FAM107B: variants seen among roughly 807,000 people sequenced by gnomAD.
The protein encoded by FAM107B is protein FAM107B.
Under a neutral mutation model 31.5 loss-of-function variants are expected in FAM107B, and 21 were observed. That is an observed-to-expected ratio of 0.67 (90% CI 0.47 to 0.96). The LOEUF is 0.96. Among genes scored for constraint, FAM107B ranks in the 40% least tolerant of loss-of-function variants. The pLI, the probability that FAM107B is intolerant of heterozygous loss-of-function variation, is 0.00. For missense variants in FAM107B, 452 were observed against 377.1 expected, an observed-to-expected ratio of 1.20 and a Z score of -1.64; for synonymous variants, 157 against 141.5, an observed-to-expected ratio of 1.11 and a Z score of -0.78.
chr10:14,521,118 T>C lies in FAM107B; in HGVS notation c.*72A>G. 1 of 1,173,726 alleles carries C rather than the reference T, an allele frequency of 8.5e-7. No homozygotes were observed. Among genetic ancestry groups the C allele is most frequent in the Non-Finnish European group, 1.2e-6 (1 of 808,160 alleles). The allele number at this position is 1,173,726 out of a possible 1,614,324, so 72.7% of individuals were successfully genotyped here. A position where few individuals can be genotyped will look rare whatever the true frequency, so the allele number is the denominator to read the frequency against. The stretch of plus-strand genomic sequence containing the variant: ...GGCTGAAATATTCTCCAGGGGCTTT[T>C]GCCCTGAGATTGAGAAGGCACCCAC... On this transcript the variant is annotated 3_prime_UTR_variant, in exon 5 of 5. Coordinates refer to ENST00000181796, the MANE Select transcript of FAM107B (RefSeq NM_031453.4).
At chr10:14,611,095 G>A (rs183732449) in intron 2 of FAM107B, among the ~76,000 whole-genome samples, 129 of 152,124 alleles carry the variant, frequency 8.5e-4, no homozygotes, top group Middle Eastern at 6.8e-3. Flanking sequence ...TGCATTTTAC[G>A]TTTTTTTCTT....
chr10:14,712,804 T>C (rs1855684342), intron 1 of FAM107B, among the ~76,000 whole-genome samples: 1 of 152,206 alleles, frequency 6.6e-6, no homozygotes, highest in Non-Finnish European at 1.5e-5. Context: ...AATTTCCTTT[T>C]CTTGGAACTA....
chr10:14,554,507 G>C (rs1263500392), intron 2 of FAM107B, among the ~76,000 whole-genome samples: 3 of 152,210 alleles, frequency 2.0e-5, no homozygotes, highest in African/African-American at 7.2e-5. Context: ...AGGCAGGAGA[G>C]GGATGAAGGC....
At chr10:14,581,946 T>G (rs1851649613) in intron 2 of FAM107B, among the ~76,000 whole-genome samples, 1 of 152,124 alleles carries the variant, frequency 6.6e-6, no homozygotes, top group Admixed American at 6.6e-5. Context: ...CAATGCCCAT[T>G]TATCATAAGG....
chr10:14,593,418 C>T lies in FAM107B; in HGVS notation c.470-62903G>A, dbSNP rs1332849793. 7.2e-5 allele frequency among the ~76,000 whole-genome samples: 11 copies of T among 151,960 alleles called. 1 individual carries two copies. Among genetic ancestry groups the T allele is most frequent in the Admixed American group, 6.6e-4 (10 of 15,250 alleles). On this transcript the variant is annotated intron_variant, in intron 2 of 4. Transcript: ENST00000181796. ...TTATTCAAGAAAGTTTACTGCTGGC[C>T]GGGCGCAGTGGCACTTTGGGAGGCT...
chr10:14,560,337 C>G (rs1850131128), intron 2 of FAM107B, among the ~76,000 whole-genome samples: 1 of 151,916 alleles, frequency 6.6e-6, no homozygotes, highest in Non-Finnish European at 1.5e-5. Flanking sequence ...AAAACTAAAC[C>G]AAGATACATA....
chr10:14,553,952 G>T (rs555410558), intron 2 of FAM107B, among the ~76,000 whole-genome samples: 1 of 152,222 alleles, frequency 6.6e-6, no homozygotes, highest in South Asian at 2.1e-4. Flanking sequence ...GTTTTAAAGC[G>T]GTTCAGGGGG....
At chr10:14,636,249 T>A (rs912991030) in intron 2 of FAM107B, among the ~76,000 whole-genome samples, 1 of 141,634 alleles carries the variant, frequency 7.1e-6, no homozygotes, top group Non-Finnish European at 1.5e-5. Flanking sequence ...TTTGCCATAG[T>A]GTGACTCTTA....
intron 2 of FAM107B, among the ~76,000 whole-genome samples, chr10:14,666,269 G>A (rs1854400935): frequency 6.6e-6 from 1 of 152,130 alleles, no homozygotes; most frequent in Non-Finnish European, 1.5e-5. Context: ...CAGTTCTGCA[G>A]GGCTAGGGAG....
At chr10:14,671,794 C>A (rs1854551900) in intron 1 of FAM107B, among the ~76,000 whole-genome samples, 1 of 151,480 alleles carries the variant, frequency 6.6e-6, no homozygotes, top group African/African-American at 2.4e-5. Flanking sequence ...ATCAACTAAG[C>A]CCCAAATTCA....
In FAM107B at chr10:14,622,324, TTGAGATGGAGTCTCGC is replaced by T. The variant is rs1160879931; in HGVS notation, c.469+45294_469+45309del. The stretch of plus-strand genomic sequence containing the variant: ...GTATGAGAGATTTTTTTTTTTTTTT[TTGAGATGGAGTCTCGC>T]TGTATTGCCCAGGCTGGGGTGCAGT... On this transcript the variant is annotated intron_variant, in intron 2 of 4. Coordinates refer to ENST00000181796, the MANE Select transcript of FAM107B (RefSeq NM_031453.4). Among the ~76,000 whole-genome samples the T allele has an allele frequency of 2.1e-3, 314 of 151,542 alleles. 1 individual carries two copies. The highest frequency in any genetic ancestry group is 6.9e-3 in the African/African-American group (284 of 41,304).
intron 2 of FAM107B, 39 bp downstream of exon 2, chr10:14,667,595 C>T (rs1854437131): frequency 3.1e-6 from 5 of 1,608,908 alleles, no homozygotes; most frequent in Non-Finnish European, 3.4e-6. Context: ...CTGTCAGCAA[C>T]AGCAGCCTGG....
At chr10:14,644,979 T>C (rs941983747) in intron 2 of FAM107B, among the ~76,000 whole-genome samples, 2 of 152,196 alleles carry the variant, frequency 1.3e-5, no homozygotes, top group African/African-American at 2.4e-5. Flanking sequence ...TGAATGGGCA[T>C]AGGAGTCAAA....
rs904139093 is a variant in FAM107B, at chr10:14,533,987, G to A, written c.470-3472C>T. 2.0e-5 allele frequency among the ~76,000 whole-genome samples: 3 copies of A among 152,272 alleles called. No homozygotes were observed. In the South Asian group the frequency reaches 6.2e-4, roughly 32 times the overall value. Reference sequence around the variant, plus strand: ...GTGGCTGCACAGAAGTGCGTGTAGTGCATTTAGGATTTCAGCCCAGGAGGA... The same window carrying A: ...GTGGCTGCACAGAAGTGCGTGTAGTACATTTAGGATTTCAGCCCAGGAGGA... On this transcript the variant is annotated intron_variant, in intron 2 of 4. Transcript: ENST00000181796.
intron 2 of FAM107B, 34 bp downstream of exon 2, chr10:14,667,600 G>C (rs771879912): frequency 6.2e-7 from 1 of 1,610,916 alleles, no homozygotes; most frequent in South Asian, 1.1e-5. Flanking sequence ...AGCAACAGCA[G>C]CCTGGAAAAG....
chr10:14,647,333 A>T (rs1853782099), intron 2 of FAM107B, among the ~76,000 whole-genome samples: 1 of 152,226 alleles, frequency 6.6e-6, no homozygotes, highest in Non-Finnish European at 1.5e-5. Flanking sequence ...TCAGTGCTAC[A>T]AATCGATACT....
chr10:14,564,700 T>C (rs1382424347), intron 2 of FAM107B, among the ~76,000 whole-genome samples: 1 of 152,172 alleles, frequency 6.6e-6, no homozygotes, highest in East Asian at 1.9e-4. Flanking sequence ...TCCTTCCACC[T>C]GTTAGTGCCC....
At chr10:14,678,071 C>G (rs934304826) in intron 1 of FAM107B, among the ~76,000 whole-genome samples, 1 of 152,182 alleles carries the variant, frequency 6.6e-6, no homozygotes, top group Admixed American at 6.5e-5. Context: ...CCCAAGGCCA[C>G]AGAAGCGAGT....
chr10:14,559,358 G>A (rs370090788), intron 2 of FAM107B, among the ~76,000 whole-genome samples: 187 of 152,166 alleles, frequency 1.2e-3, no homozygotes, highest in African/African-American at 3.7e-3. Flanking sequence ...TGCCAGCACC[G>A]AGGTCTGAGT....
Sources: allele counts gnomAD v4.1 joint callset (sites outside exome capture counted in the v4.1 genomes callset), GRCh38; gene constraint gnomAD v4.1.1; transcripts MANE v1.5; gene names NCBI Gene and HGNC (gene_info 2026-07-23, HGNC 2026-07-21).